KCND2: variants seen among roughly 807,000 people sequenced by gnomAD.
KCND2 encodes A-type voltage-gated potassium channel KCND2.
A neutral mutation model predicts 54.4 loss-of-function variants in KCND2; 16 were observed. That is an observed-to-expected ratio of 0.29 (90% CI 0.20 to 0.45). The LOEUF (loss-of-function observed/expected upper bound fraction) is 0.45. Among genes scored for constraint, KCND2 ranks in the 20% least tolerant of loss-of-function variants. KCND2 has a pLI of 1.00. For missense variants in KCND2, 486 were observed against 824.2 expected (o/e 0.59, Z 5.02); for synonymous variants, 317 against 310.7 (o/e 1.02, Z -0.21).
intron 1 of KCND2, among the ~76,000 whole-genome samples, chr7:120,640,275 A>G (rs1793354947): frequency 6.6e-6 from 1 of 152,180 alleles, no homozygotes; most frequent in African/African-American, 2.4e-5. Flanking sequence ...CAGCAATTTC[A>G]TATTTTACCT....
At chr7:120,511,827 C>G (rs1001189575) in intron 1 of KCND2, among the ~76,000 whole-genome samples, 2 of 152,104 alleles carry the variant, frequency 1.3e-5, no homozygotes, top group Non-Finnish European at 2.9e-5. Context: ...GGCTAATATA[C>G]AGCTGTGCAT....
chr7:120,357,579 A>G (rs1329685497), intron 1 of KCND2, among the ~76,000 whole-genome samples: 1 of 151,990 alleles, frequency 6.6e-6, no homozygotes, highest in Non-Finnish European at 1.5e-5. Context: ...TGATTCATGC[A>G]CTCCAGAGGA....
chr7:120,290,568 A>T (rs1211519286), intron 1 of KCND2, among the ~76,000 whole-genome samples: 2 of 152,000 alleles, frequency 1.3e-5, no homozygotes, highest in Non-Finnish European at 2.9e-5. Context: ...GCTATATGTC[A>T]TCAGGAAATA....
intron 1 of KCND2, among the ~76,000 whole-genome samples, chr7:120,485,866 A>T (rs1802685962): frequency 6.6e-6 from 1 of 152,178 alleles, no homozygotes; most frequent in Non-Finnish European, 1.5e-5. Flanking sequence ...GGTGGTGTTT[A>T]CTGCAGTATC....
At chr7:120,483,651 T>C (rs1036368123) in intron 1 of KCND2, among the ~76,000 whole-genome samples, 3 of 151,508 alleles carry the variant, frequency 2.0e-5, no homozygotes, top group African/African-American at 7.3e-5. Flanking sequence ...TAACCAAGAG[T>C]AGGAACAGTA....
chr7:120,464,761 CAAGGGGGCACTTTCTGCTCCTGGA>C (rs905258040), intron 1 of KCND2, among the ~76,000 whole-genome samples: 9 of 152,122 alleles, frequency 5.9e-5, no homozygotes, highest in African/African-American at 2.2e-4. Context: ...GCCTTGCGGC[CAAGGGGGCACTTTCTGCTCCTGGA>C]AGCCACCTGC....
At chr7:120,468,489 A>G (rs1239334876) in intron 1 of KCND2, among the ~76,000 whole-genome samples, 1 of 152,060 alleles carries the variant, frequency 6.6e-6, no homozygotes, top group African/African-American at 2.4e-5. Flanking sequence ...TATGGTAGTA[A>G]TTGTTCTCTC....
At chr7:120,690,727 C>T (rs1460854247) in intron 1 of KCND2, among the ~76,000 whole-genome samples, 1 of 152,144 alleles carries the variant, frequency 6.6e-6, no homozygotes, top group East Asian at 1.9e-4. Context: ...TTGACCACTT[C>T]CATGTGCTAA....
At chr7:120,733,507 A>T (rs1792832565) in intron 2 of KCND2, among the ~76,000 whole-genome samples, 1 of 152,186 alleles carries the variant, frequency 6.6e-6, no homozygotes. Context: ...AATAAGAAAT[A>T]TTTGACGAAC....
At chr7:120,359,418 A>G (rs1331100334) in intron 1 of KCND2, among the ~76,000 whole-genome samples, 1 of 152,122 alleles carries the variant, frequency 6.6e-6, no homozygotes, top group Non-Finnish European at 1.5e-5. Context: ...AAAATGGGTG[A>G]CATCTCCAAA....
At chr7:120,389,835 A>C (rs1391624012) in intron 1 of KCND2, among the ~76,000 whole-genome samples, 2 of 151,852 alleles carry the variant, frequency 1.3e-5, no homozygotes, top group Non-Finnish European at 2.9e-5. Context: ...TTGTTGAATA[A>C]TTTTTTAAAC....
At chr7:120,491,985 A>G (rs1421337526) in intron 1 of KCND2, among the ~76,000 whole-genome samples, 2 of 152,252 alleles carry the variant, frequency 1.3e-5, no homozygotes, top group East Asian at 3.9e-4. Context: ...ATACCTTGCA[A>G]ACTGATGGTT....
chr7:120,478,351 T>C (rs1017334132), intron 1 of KCND2, among the ~76,000 whole-genome samples: 5 of 152,168 alleles, frequency 3.3e-5, no homozygotes, highest in African/African-American at 1.2e-4. Context: ...AAATTGACTT[T>C]ATATCACCCA....
At chr7:120,642,101 G>A (rs146658531) in intron 1 of KCND2, among the ~76,000 whole-genome samples, 10 of 151,644 alleles carry the variant, frequency 6.6e-5, no homozygotes, top group Admixed American at 2.6e-4. Flanking sequence ...TCATTTTCTC[G>A]GTATTCTTAT....
intron 1 of KCND2, among the ~76,000 whole-genome samples, chr7:120,676,765 C>G (rs1160426360): frequency 6.6e-6 from 1 of 152,120 alleles, no homozygotes; most frequent in African/African-American, 2.4e-5. Flanking sequence ...CCATTTCTTT[C>G]CCTTGCATCT....
At chr7:120,292,300 C>A (rs560520009) in intron 1 of KCND2, among the ~76,000 whole-genome samples, 71 of 151,378 alleles carry the variant, frequency 4.7e-4, no homozygotes, top group African/African-American at 1.7e-3. Flanking sequence ...TTTTAAGTGC[C>A]CATGCTGTCT....
intron 1 of KCND2, among the ~76,000 whole-genome samples, chr7:120,427,992 G>C (rs912029632): frequency 1.3e-5 from 2 of 152,072 alleles, no homozygotes; most frequent in African/African-American, 4.8e-5. Flanking sequence ...GATTCAATTG[G>C]TTTACATCTT....
At chr7:120,406,462 G>C (rs945097258) in intron 1 of KCND2, among the ~76,000 whole-genome samples, 2 of 151,854 alleles carry the variant, frequency 1.3e-5, no homozygotes, top group African/African-American at 2.4e-5. Flanking sequence ...TACTGCCCTG[G>C]GTAGACATGG....
intron 1 of KCND2, among the ~76,000 whole-genome samples, chr7:120,481,717 C>T (rs371263469): frequency 5.9e-5 from 9 of 152,148 alleles, no homozygotes; most frequent in East Asian, 5.8e-4. Context: ...TCATCTTTGA[C>T]GCAGAGGGAC....
Sources: allele counts gnomAD v4.1 joint callset (sites outside exome capture counted in the v4.1 genomes callset), GRCh38; gene constraint gnomAD v4.1.1; transcripts MANE v1.5; gene names NCBI Gene and HGNC (gene_info 2026-07-23, HGNC 2026-07-21).